Variants in PEX14 observed in about 807,000 individuals in gnomAD.
PEX14 encodes peroxisomal membrane protein PEX14.
A neutral mutation model predicts 49.5 loss-of-function variants in PEX14; 15 were observed. That is an observed-to-expected ratio of 0.30 (90% CI 0.20 to 0.47). The LOEUF (loss-of-function observed/expected upper bound fraction) is 0.47. Ranked by LOEUF, PEX14 falls within the 20% of genes least tolerant of loss-of-function variation. The pLI, the probability that PEX14 is intolerant of heterozygous loss-of-function variation, is 1.00. For synonymous variants in PEX14, 210 were observed against 212.7 expected, an observed-to-expected ratio of 0.99 and a Z score of 0.11; for missense variants, 398 against 494.8, an observed-to-expected ratio of 0.80 and a Z score of 1.86.
intron 2 of PEX14, among the ~76,000 whole-genome samples, chr1:10,520,388 G>A (rs528264960): frequency 2.1e-4 from 32 of 151,936 alleles, no homozygotes; most frequent in African/African-American, 7.2e-4. Flanking sequence ...CAAACTCTTG[G>A]CCTCAAGTGA....
rs1038842647 is a variant in PEX14 at position 10,597,030 on chromosome 1, G to A, written c.170-2208G>A. 4.9e-4 allele frequency among the ~76,000 whole-genome samples: 74 copies of A among 152,250 alleles called. No homozygotes were observed. The highest frequency in any genetic ancestry group is 1.6e-3 in the African/African-American group (67 of 41,470). The stretch of plus-strand genomic sequence containing the variant: ...GCTCAGGGCCAGAGGGCAGAACTGC[G>A]GGCAGGGCGTCCTGTCCCTTTAACC... On this transcript the variant is annotated intron_variant, in intron 3 of 8. Transcript: ENST00000356607. This position sits in a 1 kb window ranked among gnomAD's most constrained non-coding sequence, Gnocchi z 5.7.
intron 7 of PEX14, among the ~76,000 whole-genome samples, chr1:10,625,540 C>A (rs954580285): frequency 6.6e-6 from 1 of 152,230 alleles, no homozygotes; most frequent in Non-Finnish European, 1.5e-5. Flanking sequence ...GAATCTCCCC[C>A]CTGGATATCC....
At chr1:10,578,363 C>T (rs1266483819) in intron 3 of PEX14, among the ~76,000 whole-genome samples, 3 of 152,142 alleles carry the variant, frequency 2.0e-5, no homozygotes, top group African/African-American at 2.4e-5. Flanking sequence ...AAATACTACT[C>T]CCCAGGGCTA....
Position 10,531,750 on chromosome 1 carries a change from T to C in PEX14, c.85-4463T>C, listed in dbSNP as rs538086074. On this transcript the variant is annotated intron_variant, in intron 2 of 8. Coordinates refer to ENST00000356607, the MANE Select transcript of PEX14 (RefSeq NM_004565.3). ...TATGTAGTACACAGGAGTGCTGGAA[T>C]TGGTGGCATTCCAAATAAGTGTCAC... Among the ~76,000 whole-genome samples, 11 of 152,282 alleles carry C rather than the reference T, an allele frequency of 7.2e-5. No individual in the cohort carries two copies. In the South Asian group the frequency reaches 8.3e-4, roughly 11 times the overall value.
At chr1:10,572,246 C>A (rs976468193) in intron 3 of PEX14, among the ~76,000 whole-genome samples, 1 of 152,100 alleles carries the variant, frequency 6.6e-6, no homozygotes, top group African/African-American at 2.4e-5. Context: ...ACAGGATATG[C>A]CAGTACTCCA....
chr1:10,553,192 G>T (rs892179369), intron 3 of PEX14, among the ~76,000 whole-genome samples: 2 of 152,224 alleles, frequency 1.3e-5, no homozygotes, highest in Admixed American at 1.3e-4. Flanking sequence ...GGAGAGGATG[G>T]ATTAGAGAGT....
At chr1:10,555,236 T>C (rs1473530157) in intron 3 of PEX14, among the ~76,000 whole-genome samples, 2 of 152,122 alleles carry the variant, frequency 1.3e-5, no homozygotes, top group Non-Finnish European at 2.9e-5. Flanking sequence ...TCTGCTTTTT[T>C]TTTAATTTAC....
chr1:10,574,960 A>G (rs1640079171), intron 3 of PEX14, among the ~76,000 whole-genome samples: 1 of 152,102 alleles, frequency 6.6e-6, no homozygotes, highest in Non-Finnish European at 1.5e-5. Flanking sequence ...AATTCGTAAA[A>G]GATAAACCAG....
Position 10,629,831 on chromosome 1 carries a change from G to C in PEX14, c.978G>C (p.Glu326Asp). ...AGAAGAGGGAGGACAAGGAGGACGAGGAGGATGAGGAGGATGATGATGTGA... is the reference window on the plus strand; with the variant it reads ...AGAAGAGGGAGGACAAGGAGGACGACGAGGATGAGGAGGATGATGATGTGA... ...EEEKREDKED[E>D]EDEEDDDVSH... The change falls in exon 9 of 9, where the codon GAG (glutamate) becomes GAC (aspartate). Residue 326 changes from glutamate (E) to aspartate (D), a missense_variant. Physicochemically the swap from Glu to Asp is conservative, Grantham distance 45. Coordinates refer to ENST00000356607, the MANE Select transcript of PEX14 (RefSeq NM_004565.3). This position sits in a 1 kb window ranked among gnomAD's most constrained non-coding sequence, Gnocchi z 8.5. The C allele has an allele frequency of 6.2e-7, 1 of 1,601,272 alleles. No homozygotes were observed. Among genetic ancestry groups the C allele is most frequent in the Non-Finnish European group, 8.5e-7 (1 of 1,170,004 alleles).
intron 2 of PEX14, among the ~76,000 whole-genome samples, chr1:10,498,102 A>G (rs940220576): frequency 5.9e-5 from 9 of 152,286 alleles, no homozygotes; most frequent in African/African-American, 2.2e-4. Flanking sequence ...CAAAATAGAG[A>G]GACCCCATCT....
intron 2 of PEX14, among the ~76,000 whole-genome samples, chr1:10,499,052 G>A (rs1044808209): frequency 6.6e-6 from 1 of 152,136 alleles, no homozygotes; most frequent in Non-Finnish European, 1.5e-5. Flanking sequence ...TAGAATGGGC[G>A]GACAATTGTC....
chr1:10,563,673 C>T (rs1639718854), intron 3 of PEX14, among the ~76,000 whole-genome samples: 1 of 152,014 alleles, frequency 6.6e-6, no homozygotes, highest in Non-Finnish European at 1.5e-5. Context: ...ACCTGTAATC[C>T]CAGCACCTTG....
chr1:10,624,845 G>T (rs773419309), intron 7 of PEX14, among the ~76,000 whole-genome samples: 3 of 152,126 alleles, frequency 2.0e-5, no homozygotes, highest in Non-Finnish European at 4.4e-5. Context: ...GGGGAGAAGC[G>T]AGTCGCAGTC....
At chr1:10,611,569 T>C (rs1641278233) in intron 4 of PEX14, among the ~76,000 whole-genome samples, 1 of 152,258 alleles carries the variant, frequency 6.6e-6, no homozygotes, top group African/African-American at 2.4e-5. Flanking sequence ...GTCAAACTAT[T>C]TCCCAAAATG....
intron 2 of PEX14, among the ~76,000 whole-genome samples, chr1:10,513,628 A>C (rs981419217): frequency 2.6e-5 from 4 of 152,124 alleles, no homozygotes; most frequent in Non-Finnish European, 5.9e-5. Context: ...GAACAGAAGG[A>C]TCATTTAGTG....
chr1:10,565,088 G>A (rs1639764030), intron 3 of PEX14, among the ~76,000 whole-genome samples: 1 of 152,044 alleles, frequency 6.6e-6, no homozygotes, highest in Admixed American at 6.5e-5. Context: ...ATTTTTAGTA[G>A]AGACGAGGTT....
chr1:10,536,414 C>T (rs1638804959), intron 3 of PEX14, 117 bp downstream of exon 3: 1 of 747,670 alleles, frequency 1.3e-6, no homozygotes, highest in Non-Finnish European at 2.4e-6. Flanking sequence ...GCTGCCCACT[C>T]ATGGGGCAGT....
In PEX14 at chr1:10,518,621, A is replaced by G. The variant is rs1463886997; in HGVS notation, c.85-17592A>G. 2.6e-5 allele frequency among the ~76,000 whole-genome samples: 4 copies of G among 152,250 alleles called. No homozygotes were observed. In the East Asian group the frequency reaches 7.7e-4, roughly 29 times the overall value. On this transcript the variant is annotated intron_variant, in intron 2 of 8. Coordinates refer to ENST00000356607, the MANE Select transcript of PEX14 (RefSeq NM_004565.3). ...CACTTGGTGCATTTACAATATGCAA[A>G]TTCCAATTCCAATTAGATTGAAATC...
chr1:10,569,010 G>A (rs1454970368), intron 3 of PEX14, among the ~76,000 whole-genome samples: 1 of 152,094 alleles, frequency 6.6e-6, no homozygotes, highest in South Asian at 2.1e-4. Context: ...AAAGTGCTGG[G>A]ATTTACAGGC....
Sources: gnomAD v4.1 joint callset for allele counts (sites outside exome capture counted in the v4.1 genomes callset) on GRCh38, gnomAD v4.1.1 for gene constraint, Gnocchi (gnomAD v3.1) non-coding constraint, MANE v1.5 for transcripts, NCBI Gene and HGNC (gene_info 2026-07-23, HGNC 2026-07-21) for gene names.